SDK1: variants seen among roughly 807,000 people sequenced by gnomAD.
SDK1 encodes sidekick cell adhesion molecule 1.
Under a neutral mutation model 245.5 loss-of-function variants are expected in SDK1, and 157 were observed. The ratio of observed to expected loss-of-function variants is 0.64; its 90% CI spans 0.56 to 0.73. SDK1 has a LOEUF of 0.73. Among genes scored for constraint, SDK1 ranks in the 30% least tolerant of loss-of-function variants. The pLI is 0.00. For missense variants in SDK1, 3,583 were observed against 3,002.3 expected (o/e 1.19, Z -4.52); for synonymous variants, 1,647 against 1,278.5 (o/e 1.29, Z -6.15).
chr7:3,481,488 G>A (rs1221381664), intron 1 of SDK1, among the ~76,000 whole-genome samples: 1 of 152,216 alleles, frequency 6.6e-6, no homozygotes, highest in Non-Finnish European at 1.5e-5. Flanking sequence ...TGACCTCTTT[G>A]GACTGTTAGT....
At chr7:3,940,905 G>C (rs536938111) in intron 5 of SDK1, among the ~76,000 whole-genome samples, 2 of 152,116 alleles carry the variant, frequency 1.3e-5, no homozygotes, top group African/African-American at 4.8e-5. Flanking sequence ...CACTCTCATG[G>C]AGTGGCCTCT....
chr7:3,775,798 G>A (rs1050411665), intron 4 of SDK1, among the ~76,000 whole-genome samples: 13 of 151,794 alleles, frequency 8.6e-5, no homozygotes, highest in East Asian at 5.8e-4. Context: ...GGATGGTCTC[G>A]ATCTCCTGAC....
chr7:4,233,229 C>A, intron 40 of SDK1, 26 bp from the exon 41 acceptor site: 1 of 1,604,216 alleles, frequency 6.2e-7, no homozygotes. Context: ...CTAACCTCTG[C>A]TCTCGCCTCC....
intron 14 of SDK1, among the ~76,000 whole-genome samples, chr7:4,007,026 C>T (rs922366858): frequency 5.3e-5 from 8 of 152,304 alleles, no homozygotes; most frequent in African/African-American, 1.2e-4. Flanking sequence ...CTTTCTGAAA[C>T]GATGTTTGTT....
intron 4 of SDK1, among the ~76,000 whole-genome samples, chr7:3,710,285 C>T (rs1033004990): frequency 3.3e-5 from 5 of 152,180 alleles, no homozygotes; most frequent in Admixed American, 1.3e-4. Flanking sequence ...CATTCCTCTG[C>T]ACCCTCCAGA....
At position 3,841,505 on chromosome 7, in the gene SDK1, T is replaced by C. The variant is rs577613371; in HGVS notation, c.847+19922T>C. ...TTCTGGGCCCCAGTAGACACTGAGC[T>C]CCAGGTGGCTAGAACCAGAACTGCC... On this transcript the variant is annotated intron_variant, in intron 5 of 44. Transcript: ENST00000404826. Among the ~76,000 whole-genome samples, 430 of 152,252 alleles carry C rather than the reference T, an allele frequency of 2.8e-3. 3 individuals carry two copies. Among genetic ancestry groups the C allele is most frequent in the African/African-American group, 0.01 (419 of 41,552 alleles).
chr7:3,885,713 T>C (rs1781321938), intron 5 of SDK1, among the ~76,000 whole-genome samples: 1 of 152,212 alleles, frequency 6.6e-6, no homozygotes, highest in Admixed American at 6.5e-5. Flanking sequence ...TTTAGTTAAT[T>C]CCTGGCCTAC....
intron 1 of SDK1, among the ~76,000 whole-genome samples, chr7:3,532,228 C>T (rs1164103378): frequency 6.6e-6 from 1 of 152,130 alleles, no homozygotes; most frequent in Non-Finnish European, 1.5e-5. Context: ...CTTTTTATTC[C>T]CAGTGGCTTG....
At chr7:3,707,084 C>G (rs1445220616) in intron 4 of SDK1, among the ~76,000 whole-genome samples, 1 of 151,850 alleles carries the variant, frequency 6.6e-6, no homozygotes, top group East Asian at 1.9e-4. Flanking sequence ...TATTTATTTT[C>G]TTCTGCTAGC....
At chr7:3,604,552 TTTTA>T (rs1240325236) in intron 1 of SDK1, among the ~76,000 whole-genome samples, 1 of 151,908 alleles carries the variant, frequency 6.6e-6, no homozygotes, top group African/African-American at 2.4e-5. Context: ...ATTTTCATTG[TTTTA>T]TTTATTTTTT....
At chr7:3,409,297 GTTTT>G (rs5881980) in intron 1 of SDK1, among the ~76,000 whole-genome samples, 54 of 136,864 alleles carry the variant, frequency 3.9e-4, no homozygotes, top group African/African-American at 1.2e-3. Flanking sequence ...TTCTATTATG[GTTTT>G]TTTTTTTTTT....
At chr7:4,084,375 G>T (rs1217058607) in intron 22 of SDK1, among the ~76,000 whole-genome samples, 1 of 152,110 alleles carries the variant, frequency 6.6e-6, no homozygotes, top group East Asian at 1.9e-4. Context: ...CCTAGAATTG[G>T]CCTGTCTTTG....
intron 5 of SDK1, among the ~76,000 whole-genome samples, chr7:3,824,637 A>G (rs1779727228): frequency 6.6e-6 from 1 of 152,216 alleles, no homozygotes; most frequent in Admixed American, 6.5e-5. Context: ...GCTGTCACCC[A>G]GCTAACAGGA....
chr7:3,789,461 C>T (rs1781014469), intron 4 of SDK1, among the ~76,000 whole-genome samples: 1 of 150,468 alleles, frequency 6.6e-6, no homozygotes, highest in Non-Finnish European at 1.5e-5. Context: ...AACTGCTTTT[C>T]TACTTTACAG....
intron 4 of SDK1, among the ~76,000 whole-genome samples, chr7:3,712,813 C>G (rs1198581735): frequency 6.6e-6 from 1 of 152,200 alleles, no homozygotes; most frequent in Non-Finnish European, 1.5e-5. Context: ...GGAGCAGAGT[C>G]TAAATGTGGC....
At chr7:3,527,267 T>C (rs2272527) in intron 1 of SDK1, among the ~76,000 whole-genome samples, 39,220 of 152,074 alleles carry the variant, frequency 0.26, 5,246 homozygotes, top group East Asian at 0.33. Flanking sequence ...ACAAATTACA[T>C]TCTAGTGTGG....
At chr7:3,775,509 A>C (rs1395134538) in intron 4 of SDK1, among the ~76,000 whole-genome samples, 1 of 151,328 alleles carries the variant, frequency 6.6e-6, no homozygotes, top group Non-Finnish European at 1.5e-5. Flanking sequence ...TTGACTGGTC[A>C]TTCACACTGA....
intron 44 of SDK1, among the ~76,000 whole-genome samples, chr7:4,256,441 C>T (rs1480127074): frequency 7.9e-5 from 12 of 152,160 alleles, no homozygotes; most frequent in Non-Finnish European, 1.3e-4. Flanking sequence ...CCCAGAACTG[C>T]AGAAAAGGCT....
At chr7:3,899,185 C>G (rs1781699818) in intron 5 of SDK1, among the ~76,000 whole-genome samples, 2 of 152,318 alleles carry the variant, frequency 1.3e-5, no homozygotes, top group Admixed American at 1.3e-4. Flanking sequence ...CCTCCCTGAT[C>G]TGCTGTTGAG....
Sources: gnomAD v4.1 joint callset for allele counts (sites outside exome capture counted in the v4.1 genomes callset) on GRCh38, gnomAD v4.1.1 for gene constraint, MANE v1.5 for transcripts, NCBI Gene and HGNC (gene_info 2026-07-23, HGNC 2026-07-21) for gene names.